Variants in CTNNA3 observed in about 807,000 individuals in gnomAD.
CTNNA3 encodes catenin alpha-3.
CTNNA3 carries 76 observed loss-of-function variants against 95.7 expected under a neutral mutation model. The observed-to-expected ratio is 0.79, with a 90% CI of 0.66 to 0.96. The LOEUF (loss-of-function observed/expected upper bound fraction) is 0.96. Among genes scored for constraint, CTNNA3 ranks in the 40% least tolerant of loss-of-function variants. CTNNA3 has a pLI of 0.00. For missense variants in CTNNA3, 1,191 were observed against 1,089.8 expected, an observed-to-expected ratio of 1.09 and a Z score of -1.31; for synonymous variants, 431 against 374.4, an observed-to-expected ratio of 1.15 and a Z score of -1.74.
intron 5 of CTNNA3, among the ~76,000 whole-genome samples, chr10:67,248,711 A>G (rs1865996514): frequency 6.6e-6 from 1 of 152,200 alleles, no homozygotes; most frequent in Admixed American, 6.5e-5. Context: ...TACAGGCATG[A>G]GCCACCACAC....
At chr10:67,044,215 C>A (rs1030648427) in intron 7 of CTNNA3, among the ~76,000 whole-genome samples, 1 of 152,050 alleles carries the variant, frequency 6.6e-6, no homozygotes, top group African/African-American at 2.4e-5. Flanking sequence ...AATATGGCTG[C>A]AACATAGTAG....
intron 14 of CTNNA3, among the ~76,000 whole-genome samples, chr10:66,080,781 G>C (rs1474604920): frequency 6.6e-6 from 1 of 152,114 alleles, no homozygotes; most frequent in African/African-American, 2.4e-5. Context: ...GAGGACATTA[G>C]TGGAGATGGT....
At chr10:67,560,943 C>G (rs948506885) in intron 3 of CTNNA3, among the ~76,000 whole-genome samples, 1 of 152,056 alleles carries the variant, frequency 6.6e-6, no homozygotes, top group African/African-American at 2.4e-5. Context: ...GCTAACTATC[C>G]TAAATATATA....
chr10:67,589,009 A>G (rs1230122286), intron 3 of CTNNA3, among the ~76,000 whole-genome samples: 4 of 152,084 alleles, frequency 2.6e-5, no homozygotes, highest in African/African-American at 7.2e-5. Flanking sequence ...CGAGCCCAGC[A>G]TATATAACAG....
In CTNNA3 at chr10:67,052,313, ACTCTCTCTCTCT is replaced by A. The variant is rs3841706; in HGVS notation, c.1047+127992_1047+128003del. Among the ~76,000 whole-genome samples the A allele has an allele frequency of 2.8e-3, 341 of 121,118 alleles. 2 individuals carry two copies. Among genetic ancestry groups the A allele is most frequent in the East Asian group, 0.025 (105 of 4,282 alleles). 79.5% of individuals were successfully genotyped at this position (121,118 alleles called of 152,430 possible). On this transcript the variant is annotated intron_variant, in intron 7 of 17. Coordinates refer to ENST00000433211, the MANE Select transcript of CTNNA3 (RefSeq NM_013266.4). The stretch of plus-strand genomic sequence containing the variant: ...AGAAGAATCTTCACACCCACTCATC[ACTCTCTCTCTCT>A]CTCTCTCTCTCTCTCTCTCTCTCTC...
chr10:67,064,838 C>G (rs1855971167), intron 7 of CTNNA3, among the ~76,000 whole-genome samples: 2 of 152,150 alleles, frequency 1.3e-5, no homozygotes, highest in Non-Finnish European at 2.9e-5. Context: ...GTCAGAGGGA[C>G]AGATGAATTC....
intron 3 of CTNNA3, among the ~76,000 whole-genome samples, chr10:67,554,624 G>A (rs1229158720): frequency 1.3e-5 from 2 of 152,086 alleles, no homozygotes; most frequent in Non-Finnish European, 1.5e-5. Context: ...TTGTAAATTT[G>A]TTTAAGTTCT....
At chr10:66,587,350 C>A (rs1843394025) in intron 10 of CTNNA3, among the ~76,000 whole-genome samples, 1 of 152,138 alleles carries the variant, frequency 6.6e-6, no homozygotes, top group Non-Finnish European at 1.5e-5. Context: ...TGTAGAAAAG[C>A]ACCAGCTGTG....
intron 13 of CTNNA3, among the ~76,000 whole-genome samples, chr10:66,262,831 AT>A (rs958940215): frequency 6.6e-6 from 1 of 151,914 alleles, no homozygotes; most frequent in Non-Finnish European, 1.5e-5. Context: ...ACTGATATTT[AT>A]TTTATGTATA....
At chr10:66,366,272 C>T (rs1484612233) in intron 12 of CTNNA3, among the ~76,000 whole-genome samples, 1 of 152,064 alleles carries the variant, frequency 6.6e-6, no homozygotes, top group East Asian at 1.9e-4. Flanking sequence ...ATATGCATGT[C>T]AGTTAGGTGT....
chr10:66,716,620 T>C (rs1184957705), intron 9 of CTNNA3, among the ~76,000 whole-genome samples: 1 of 152,072 alleles, frequency 6.6e-6, no homozygotes, highest in Non-Finnish European at 1.5e-5. Flanking sequence ...AACAGAGGCA[T>C]TTATGTTTGT....
chr10:67,508,998 T>C (rs1236828006), intron 5 of CTNNA3, among the ~76,000 whole-genome samples: 1 of 151,876 alleles, frequency 6.6e-6, no homozygotes, highest in Non-Finnish European at 1.5e-5. Flanking sequence ...TGCCTCAGCC[T>C]CCCGTATAGC....
intron 7 of CTNNA3, among the ~76,000 whole-genome samples, chr10:66,938,366 C>T (rs930365612): frequency 6.6e-6 from 1 of 151,982 alleles, no homozygotes; most frequent in African/African-American, 2.4e-5. Context: ...AGAAGCCTTA[C>T]TGATAATATA....
intron 7 of CTNNA3, among the ~76,000 whole-genome samples, chr10:66,777,945 C>A (rs376096664): frequency 1.4e-4 from 21 of 152,144 alleles, no homozygotes; most frequent in Admixed American, 2.6e-4. Context: ...CAGAAGCATA[C>A]CAAACTTTAA....
chr10:66,344,242 T>G (rs1213938206), intron 12 of CTNNA3, among the ~76,000 whole-genome samples: 1 of 128,468 alleles, frequency 7.8e-6, no homozygotes, highest in East Asian at 2.3e-4. Flanking sequence ...AAAAAAAAAT[T>G]GACTGCAATG....
intron 7 of CTNNA3, among the ~76,000 whole-genome samples, chr10:67,145,437 T>C (rs958461014): frequency 3.3e-5 from 1 of 30,168 alleles, no homozygotes; most frequent in Admixed American, 3.3e-4. Context: ...ATTTTTTTAG[T>C]TTTTTTTTTT....
chr10:66,929,816 C>T (rs1017501088), intron 7 of CTNNA3, among the ~76,000 whole-genome samples: 1 of 152,148 alleles, frequency 6.6e-6, no homozygotes, highest in Non-Finnish European at 1.5e-5. Context: ...TCATAGCTTC[C>T]ATATTTGAGT....
intron 11 of CTNNA3, among the ~76,000 whole-genome samples, chr10:66,423,590 C>T (rs2093214614): frequency 6.6e-6 from 1 of 152,104 alleles, no homozygotes; most frequent in African/African-American, 2.4e-5. Flanking sequence ...AGAGACATGC[C>T]AGCCCTGAGG....
At chr10:66,467,497 G>GTCCCCTTTTCCT (rs1838966007) in intron 11 of CTNNA3, among the ~76,000 whole-genome samples, 1 of 151,988 alleles carries the variant, frequency 6.6e-6, no homozygotes, top group African/African-American at 2.4e-5. Context: ...AAAAATGGCA[G>GTCCCCTTTTCCT]TCCCCTTTTC....
Sources: allele counts gnomAD v4.1 joint callset (sites outside exome capture counted in the v4.1 genomes callset), GRCh38; gene constraint gnomAD v4.1.1; transcripts MANE v1.5; gene names NCBI Gene and HGNC (gene_info 2026-07-23, HGNC 2026-07-21).